The following SGMS1 variants were observed in gnomAD, a reference collection of about 807,000 sequenced individuals.
The protein encoded by SGMS1 is sphingomyelin synthase 1, also known as phosphatidylcholine:ceramide cholinephosphotransferase 1.
SGMS1 carries 13 observed loss-of-function variants against 46.2 expected under a neutral mutation model. That is an observed-to-expected ratio of 0.28 (90% CI 0.18 to 0.45). The LOEUF (loss-of-function observed/expected upper bound fraction) is 0.45, where lower values mean the gene tolerates loss of function less well. Ranked by LOEUF, SGMS1 falls within the 20% of genes least tolerant of loss-of-function variation. The pLI, the probability that SGMS1 is intolerant of heterozygous loss-of-function variation, is 1.00. For missense variants in SGMS1, 324 were observed against 519.9 expected (o/e 0.62, Z 3.66); for synonymous variants, 203 against 187.8 (o/e 1.08, Z -0.66).
At chr10:50,532,356 C>A (rs529231567) in intron 2 of SGMS1, among the ~76,000 whole-genome samples, 16 of 151,924 alleles carry the variant, frequency 1.1e-4, no homozygotes, top group African/African-American at 3.9e-4. Context: ...TCATCCAAGA[C>A]CCTGAACTAG....
At chr10:50,439,508 A>C (rs931712913) in intron 5 of SGMS1, among the ~76,000 whole-genome samples, 2 of 152,194 alleles carry the variant, frequency 1.3e-5, no homozygotes, top group Non-Finnish European at 2.9e-5. Context: ...TTCTGTTCCC[A>C]GGCTTCTTTA....
Position 50,344,178 on chromosome 10 carries a change from CAGGG to C in SGMS1, c.-68_-65del, listed in dbSNP as rs1847874376. ...GGCAGGTCAGCAGTCACTGTTCCGA[CAGGG>C]CAGGACACTGTCCTGCCTCGGCTCG... On this transcript the variant is annotated 5_prime_UTR_variant, in exon 7 of 11. It removes the in-frame stop codon of an upstream open reading frame in the 5' UTR. Coordinates refer to ENST00000361781, the MANE Select transcript of SGMS1 (RefSeq NM_147156.4). The C allele has an allele frequency of 6.6e-7, 1 of 1,518,254 alleles. No individual in the cohort carries two copies. The highest frequency in any genetic ancestry group is 2.1e-5 in the Admixed American group (1 of 46,742). The allele number at this position is 1,518,254 out of a possible 1,614,324, so 94.0% of individuals were successfully genotyped here. A position where few individuals can be genotyped will look rare whatever the true frequency, so the allele number is the denominator to read the frequency against.
At chr10:50,415,185 A>C (rs12217648) in intron 6 of SGMS1, among the ~76,000 whole-genome samples, 25,357 of 152,224 alleles carry the variant, frequency 0.17, 2,613 homozygotes, top group East Asian at 0.26. Context: ...ATGCCCTGAT[A>C]TACTTGTCCA....
At chr10:50,353,598 G>C (rs1049202783) in intron 6 of SGMS1, among the ~76,000 whole-genome samples, 4 of 152,298 alleles carry the variant, frequency 2.6e-5, no homozygotes, top group Admixed American at 6.5e-5. Flanking sequence ...GGGCAATCAG[G>C]CAGGAGAAGG....
chr10:50,580,791 A>G (rs1273800541), intron 2 of SGMS1, among the ~76,000 whole-genome samples: 1 of 152,192 alleles, frequency 6.6e-6, no homozygotes, highest in African/African-American at 2.4e-5. Flanking sequence ...ATGGGTTTTC[A>G]TGGGTATGAA....
intron 1 of SGMS1, among the ~76,000 whole-genome samples, chr10:50,606,533 A>C (rs751915634): frequency 1.3e-5 from 2 of 152,254 alleles, no homozygotes; most frequent in African/African-American, 2.4e-5. Context: ...ATAGATTTGG[A>C]ATAGTAGAAA....
chr10:50,602,944 A>C (rs1057151848), intron 1 of SGMS1, among the ~76,000 whole-genome samples: 1 of 152,256 alleles, frequency 6.6e-6, no homozygotes, highest in Non-Finnish European at 1.5e-5. Context: ...CAGACAAAAC[A>C]ATCAGGAGAA....
intron 7 of SGMS1, among the ~76,000 whole-genome samples, chr10:50,332,768 G>A (rs1847649096): frequency 6.6e-6 from 1 of 151,714 alleles, no homozygotes; most frequent in South Asian, 2.1e-4. Flanking sequence ...GATCACAGGT[G>A]CAGGCCACCA....
chr10:50,311,457 G>A (rs778186561), intron 8 of SGMS1, 42 bp from the exon 9 acceptor site: 4 of 1,588,574 alleles, frequency 2.5e-6, no homozygotes, highest in East Asian at 2.3e-5. Context: ...GATTCATTAC[G>A]AGCCCACATG....
chr10:50,419,753 T>C (rs1849230238), intron 6 of SGMS1, among the ~76,000 whole-genome samples: 2 of 151,922 alleles, frequency 1.3e-5, no homozygotes. Context: ...AAGAAAAAAA[T>C]GTTAAGTTAC....
intron 5 of SGMS1, among the ~76,000 whole-genome samples, chr10:50,442,165 C>G (rs75411996): frequency 6.7e-6 from 1 of 149,154 alleles, no homozygotes; most frequent in Non-Finnish European, 1.5e-5. Context: ...TTCAATAATA[C>G]TGACTTTTTC....
chr10:50,434,673 G>A (rs1421893064), intron 5 of SGMS1, among the ~76,000 whole-genome samples: 1 of 150,146 alleles, frequency 6.7e-6, no homozygotes, highest in Admixed American at 6.7e-5. Context: ...TCAGGAGATC[G>A]AGACCATCCT....
At chr10:50,481,267 A>G (rs1261543036) in intron 3 of SGMS1, among the ~76,000 whole-genome samples, 3 of 152,200 alleles carry the variant, frequency 2.0e-5, no homozygotes, top group Non-Finnish European at 4.4e-5. Flanking sequence ...CACACACCTT[A>G]TACAGGAGTG....
chr10:50,362,256 C>A (rs919846808), intron 6 of SGMS1, among the ~76,000 whole-genome samples: 7 of 152,106 alleles, frequency 4.6e-5, no homozygotes, highest in African/African-American at 1.7e-4. Context: ...AAAAGAATTT[C>A]TCATGTGTCA....
intron 1 of SGMS1, among the ~76,000 whole-genome samples, chr10:50,612,486 T>TG (rs1351666485): frequency 6.6e-6 from 1 of 151,092 alleles, no homozygotes; most frequent in Non-Finnish European, 1.5e-5. Flanking sequence ...AAAGGAGGAG[T>TG]GGAGGGGAGA....
At chr10:50,322,444 A>G (rs1847460376) in intron 8 of SGMS1, among the ~76,000 whole-genome samples, 1 of 152,246 alleles carries the variant, frequency 6.6e-6, no homozygotes, top group South Asian at 2.1e-4. Flanking sequence ...TTAAAACAGG[A>G]AAAACCTTAC....
At chr10:50,425,097 A>G (rs1849307787) in intron 6 of SGMS1, among the ~76,000 whole-genome samples, 1 of 152,168 alleles carries the variant, frequency 6.6e-6, no homozygotes, top group African/African-American at 2.4e-5. Flanking sequence ...AAGTCAAAAA[A>G]TAATGTTGGC....
At chr10:50,436,554 C>T (rs779424753) in intron 5 of SGMS1, among the ~76,000 whole-genome samples, 3 of 152,132 alleles carry the variant, frequency 2.0e-5, no homozygotes, top group Non-Finnish European at 4.4e-5. Flanking sequence ...ACAATCTGGA[C>T]GTATGAACCC....
At chr10:50,487,019 G>A (rs904531887) in intron 3 of SGMS1, among the ~76,000 whole-genome samples, 3 of 152,158 alleles carry the variant, frequency 2.0e-5, no homozygotes, top group African/African-American at 7.2e-5. Context: ...GACATGGATG[G>A]AGTTGGAGGC....
Sources: gnomAD v4.1 joint callset for allele counts (sites outside exome capture counted in the v4.1 genomes callset) on GRCh38, gnomAD v4.1.1 for gene constraint, MANE v1.5 for transcripts, NCBI Gene and HGNC (gene_info 2026-07-23, HGNC 2026-07-21) for gene names.